The following PODN variants were observed in gnomAD, a reference collection of about 807,000 sequenced individuals.
PODN encodes the protein podocan proteoglycan.
A neutral mutation model predicts 52.7 loss-of-function variants in PODN; 40 were observed. The observed-to-expected ratio is 0.76, with a 90% CI of 0.59 to 0.99. The LOEUF is 0.99. PODN is among the 50% of genes least tolerant of loss of function. The pLI is 0.00. For missense variants in PODN, 720 were observed against 815.1 expected (o/e 0.88, Z 1.42); for synonymous variants, 396 against 377.9 (o/e 1.05, Z -0.56).
At chr1:53,070,209 C>T (rs570800164) in intron 2 of PODN, 42 bp downstream of exon 2, 256 of 1,594,420 alleles carry the variant, frequency 1.6e-4, no homozygotes, top group Non-Finnish European at 4.2e-5. Flanking sequence ...GGCTGTCCCA[C>T]ACACCCTTGG....
chr1:53,078,497 G>T lies in PODN; in HGVS notation c.987G>T (p.Leu329=). 2 of 1,613,332 alleles carry T rather than the reference G, an allele frequency of 1.2e-6. No individual in the cohort carries two copies. Among genetic ancestry groups the T allele is most frequent in the South Asian group, 1.1e-5 (1 of 91,090 alleles). The change falls in exon 8 of 11, where the codon CTG becomes CTT. Residue 329 remains leucine, a synonymous_variant. Coordinates refer to ENST00000312553, the MANE Select transcript of PODN (RefSeq NM_153703.5). ...TCCGGAGCGTGGACGCGAATGTGCTGACCCCCATCCGCAGCCTGGAGTACC... is the reference window on the plus strand; with the variant it reads ...TCCGGAGCGTGGACGCGAATGTGCTTACCCCCATCCGCAGCCTGGAGTACC... ...NAIRSVDANV[L]TPIRSLEYLL... is the part of the protein sequence containing the mutation.
At position 53,078,468 on chromosome 1, in the gene PODN, G is replaced by A. The variant is rs757792597; in HGVS notation, c.958G>A (p.Ala320Thr). The A allele has an allele frequency of 1.1e-5, 18 of 1,613,262 alleles. No homozygotes were observed. The highest frequency in any genetic ancestry group is 1.1e-4 in the South Asian group (10 of 91,090). ...SLVLLHLEKN[A>T]IRSVDANVLT... ...GGTGCTGCTGCACTTGGAGAAGAAC[G>A]CCATCCGGAGCGTGGACGCGAATGT... The change falls in exon 8 of 11, where the codon GCC (alanine) becomes ACC (threonine). Residue 320 changes from alanine (A) to threonine (T), a missense_variant. By Grantham distance (58) the Ala-to-Thr change is moderately conservative (BLOSUM62 0). Transcript: ENST00000312553.
Position 53,070,173 on chromosome 1 carries a change from G to A in PODN, c.312+6G>A. The A allele has an allele frequency of 3.1e-6, 5 of 1,604,610 alleles. No homozygotes were observed. The highest frequency in any genetic ancestry group is 4.2e-6 in the Non-Finnish European group (5 of 1,179,820). On this transcript the variant is annotated splice_donor_region_variant and intron_variant, in intron 2 of 10. Transcript: ENST00000312553. ...CCAACCACCTATCTCTGCAGGTGAG[G>A]TCGGCGTTGCACCTGTGGTCACGGG... is the stretch of plus-strand genomic sequence containing the variant.
At chr1:53,081,516 G>T (rs78624382) in intron 9 of PODN, among the ~76,000 whole-genome samples, 5,694 of 152,304 alleles carry the variant, frequency 0.037, 203 homozygotes, top group East Asian at 0.17. Flanking sequence ...AGAGAGTGAG[G>T]GGCCTGAGAT....
At position 53,078,805 on chromosome 1, in the gene PODN, T is replaced by C; in HGVS notation, c.1295T>C (p.Leu432Pro). ...GACGCCTTCCGCAAGCTGCGCCTGC[T>C]GCGCTCGCTGGACCTGTCGGGCAAC... is the stretch of plus-strand genomic sequence containing the variant. ...HRDAFRKLRL[L>P]RSLDLSGNRL... The change falls in exon 8 of 11, where the codon CTG becomes CCG. Residue 432 changes from leucine to proline, a missense_variant. Leu to Pro is a moderately conservative substitution (Grantham distance 98). Coordinates refer to ENST00000312553, the MANE Select transcript of PODN (RefSeq NM_153703.5). 1 of 1,613,118 alleles carries C rather than the reference T, an allele frequency of 6.2e-7. No homozygotes were observed. The highest frequency in any genetic ancestry group is 8.5e-7 in the Non-Finnish European group (1 of 1,179,878).
Position 53,075,981 on chromosome 1 carries a change from C to CG in PODN, c.581+15dup, listed in dbSNP as rs780360173. 3.2e-6 allele frequency: 5 copies of CG among 1,564,448 alleles called. No individual in the cohort carries two copies. The South Asian group carries it at 3.5e-5, about 11-fold the overall frequency. ...AGAAGCCAAACTTGAGGTCAGAGGT[C>CG]GGGGGTGGTCAGGGCTCGGGCTGGG... On this transcript the variant is annotated intron_variant, in intron 5 of 10. Transcript: ENST00000312553.
At chr1:53,062,940 C>A (rs915736464) in intron 1 of PODN, among the ~76,000 whole-genome samples, 4 of 152,198 alleles carry the variant, frequency 2.6e-5, no homozygotes, top group Non-Finnish European at 5.9e-5. Context: ...GTCTGGAGTC[C>A]GTCTATCTGT....
Position 53,084,882 on chromosome 1 carries a change from CCA to C in PODN, c.*410_*411del, listed in dbSNP as rs369338532. The stretch of plus-strand genomic sequence containing the variant: ...ACATGTGTATGCGTATGCATACACA[CCA>C]CACACACACACATGCACAAGTCATG... On this transcript the variant is annotated 3_prime_UTR_variant, in exon 11 of 11. Transcript: ENST00000312553. 8.5e-5 allele frequency: 13 copies of C among 152,210 alleles called. No homozygotes were observed. Among genetic ancestry groups the C allele is most frequent in the Non-Finnish European group, 1.3e-4 (9 of 68,038 alleles). The allele number at this position is 152,210 out of a possible 1,614,324, so 9.4% of individuals were successfully genotyped here.
In PODN at chr1:53,066,058, C is replaced by T. The variant is rs187768871; in HGVS notation, c.-55-3743C>T. ...TTACCCAGGCTAGAGTGTAGGGGTG[C>T]GATCACGGCTCACAGCAGCCTCAAC... On this transcript the variant is annotated intron_variant, in intron 1 of 10. Coordinates refer to ENST00000312553, the MANE Select transcript of PODN (RefSeq NM_153703.5). Among the ~76,000 whole-genome samples, 346 of 132,630 alleles carry T rather than the reference C, an allele frequency of 2.6e-3. 1 individual carries two copies. The Middle Eastern group carries it at 0.027, about 10-fold the overall frequency. 87.0% of individuals were successfully genotyped at this position (132,630 alleles called of 152,430 possible).
At position 53,078,620 on chromosome 1, in the gene PODN, G is replaced by A. The variant is rs370467120; in HGVS notation, c.1110G>A (p.Ala370=). ...ACACGGTGCACCTGTACAACAACGC[G>A]CTGGAGCGCGTGCCCAGTGGCCTGC... ...RLHTVHLYNN[A]LERVPSGLPR... The change falls in exon 8 of 11, where the codon GCG becomes GCA. Residue 370 remains alanine (A), a synonymous_variant. Transcript: ENST00000312553. The A allele has an allele frequency of 6.1e-5, 99 of 1,612,916 alleles. No individual in the cohort carries two copies. Among genetic ancestry groups the A allele is most frequent in the Non-Finnish European group, 8.1e-5 (96 of 1,180,002 alleles).
At position 53,082,174 on chromosome 1, in the gene PODN, G is replaced by A. The variant is rs775659787; in HGVS notation, c.*13G>A. 9 of 1,587,442 alleles carry A rather than the reference G, an allele frequency of 5.7e-6. No individual in the cohort carries two copies. In the East Asian group the frequency reaches 1.1e-4, roughly 20 times the overall value. ...GGAAACAAGATAGTGACAAGGTGAT[G>A]CAGATGTGACCTAGGTATGTGGCCT... On this transcript the variant is annotated 3_prime_UTR_variant, in exon 10 of 11. Transcript: ENST00000312553.
intron 2 of PODN, 136 bp downstream of exon 2, chr1:53,070,303 G>T (rs1300731262): frequency 2.9e-6 from 4 of 1,377,010 alleles, no homozygotes; most frequent in Admixed American, 4.9e-5. Flanking sequence ...CCAACCACAG[G>T]GTGCTGGGGC....
At position 53,082,067 on chromosome 1, in the gene PODN, TAG is replaced by T; in HGVS notation, c.1751_1752del (p.Glu584ValfsTer3). The T allele has an allele frequency of 6.2e-7, 1 of 1,613,786 alleles. No individual in the cohort carries two copies. On this transcript the variant is annotated frameshift_variant, in exon 10 of 11. Coordinates refer to ENST00000312553, the MANE Select transcript of PODN (RefSeq NM_153703.5). LOFTEE classifies it high-confidence loss of function. ...CAGGTCTTGGACATTGAAGGCAACT[TAG>T]AGTTTGGTGACATTTCCAAGGACCG... is the stretch of plus-strand genomic sequence containing the variant.
Position 53,080,834 on chromosome 1 carries a change from A to G in PODN, c.1619A>G (p.Asn540Ser), listed in dbSNP as rs1376396069. The G allele has an allele frequency of 6.2e-7, 1 of 1,614,134 alleles. No individual in the cohort carries two copies. The highest frequency in any genetic ancestry group is 1.1e-5 in the South Asian group (1 of 91,082). The change falls in exon 9 of 11, where the codon AAT (asparagine) becomes AGT (serine). Residue 540 changes from asparagine (N) to serine (S), a missense_variant. By Grantham distance (46) the Asn-to-Ser change is conservative. Transcript: ENST00000312553. Reference sequence around the variant, plus strand: ...AACAAGATTAGTGCGGTGCCCGCCAATGCCTTCGACTCCACGCCCAACCTC... The same window carrying G: ...AACAAGATTAGTGCGGTGCCCGCCAGTGCCTTCGACTCCACGCCCAACCTC... ...QNNKISAVPANAFDSTPNLKG... is the reference protein window; with the variant it reads ...QNNKISAVPASAFDSTPNLKG...
Position 53,078,992 on chromosome 1 carries a change from C to T in PODN, c.1482C>T (p.Pro494=). 1.9e-6 allele frequency: 3 copies of T among 1,565,284 alleles called. No individual in the cohort carries two copies. Among genetic ancestry groups the T allele is most frequent in the African/African-American group, 1.4e-5 (1 of 73,992 alleles). The change falls in exon 8 of 11, where the codon CCC becomes CCT. Residue 494 remains proline (P), a synonymous_variant. Transcript: ENST00000312553. ...GACTGCGCAGCCGAGCCCTGGGCCC[C>T]CGTGCCTGGGTGGACCTCGCCCATC... ...SNRLRSRALG[P]RAWVDLAHLQ... is the part of the protein sequence containing the mutation.
At chr1:53,069,665 G>A (rs986520902) in intron 1 of PODN, 136 bp from the exon 2 acceptor site, 12 of 1,293,226 alleles carry the variant, frequency 9.3e-6, no homozygotes, top group African/African-American at 1.5e-5. Context: ...GCCTGGTGGG[G>A]GTTGGGCAGG....
At chr1:53,084,190 G>C (rs1460215219) in intron 10 of PODN, among the ~76,000 whole-genome samples, 1 of 151,850 alleles carries the variant, frequency 6.6e-6, no homozygotes, top group Non-Finnish European at 1.5e-5. Flanking sequence ...TGGGGTGGGT[G>C]ACAGGGTGAC....
At position 53,065,995 on chromosome 1, in the gene PODN, C is replaced by CTTT. The variant is rs780284767; in HGVS notation, c.-56+3705_-56+3707dup. Among the ~76,000 whole-genome samples, 2,018 of 115,220 alleles carry CTTT rather than the reference C, an allele frequency of 0.018. 150 individuals are homozygous for CTTT. In the East Asian group the frequency reaches 0.18, roughly 10 times the overall value. 75.6% of individuals were successfully genotyped at this position (115,220 alleles called of 152,430 possible). A position where few individuals can be genotyped will look rare whatever the true frequency, so the allele number is the denominator to read the frequency against. On this transcript the variant is annotated intron_variant, in intron 1 of 10. Transcript: ENST00000312553. ...ATGCAATGCAAAATTTTCTAGAGGTCTTTTTTTTTTTTTTTTTTTTGAGAC... is the reference window on the plus strand; with the variant it reads ...ATGCAATGCAAAATTTTCTAGAGGTCTTTTTTTTTTTTTTTTTTTTTTTGAGAC...
intron 4 of PODN, among the ~76,000 whole-genome samples, chr1:53,075,560 C>T (rs1422950251): frequency 6.6e-6 from 1 of 152,220 alleles, no homozygotes; most frequent in Non-Finnish European, 1.5e-5. Flanking sequence ...GGTCTTTTGG[C>T]TAAGATCAGG....
Sources: allele counts gnomAD v4.1 joint callset (sites outside exome capture counted in the v4.1 genomes callset), GRCh38; gene constraint gnomAD v4.1.1; transcripts MANE v1.5; gene names NCBI Gene and HGNC (gene_info 2026-07-23, HGNC 2026-07-21).